PRIM2: variants seen among roughly 807,000 people sequenced by gnomAD.
PRIM2 encodes DNA primase subunit 2.
PRIM2 carries 39 observed loss-of-function variants against 67.3 expected under a neutral mutation model. The ratio of observed to expected loss-of-function variants is 0.58; its 90% CI spans 0.45 to 0.76. PRIM2 has a LOEUF of 0.76. PRIM2 is among the 30% of genes least tolerant of loss of function. The pLI is 0.00. For missense variants in PRIM2, 398 were observed against 598.7 expected (o/e 0.66, Z 3.50); for synonymous variants, 143 against 198.7 (o/e 0.72, Z 2.36).
At chr6:57,602,863 G>T (rs1776494732) in intron 11 of PRIM2, among the ~76,000 whole-genome samples, 1 of 152,138 alleles carries the variant, frequency 6.6e-6, no homozygotes, top group Non-Finnish European at 1.5e-5. Flanking sequence ...ATTTTTTAGA[G>T]TTGTTTTAGG....
intron 7 of PRIM2, among the ~76,000 whole-genome samples, chr6:57,401,924 G>T (rs1770721406): frequency 6.6e-6 from 1 of 152,182 alleles, no homozygotes; most frequent in Non-Finnish European, 1.5e-5. Context: ...TTAGTCTGAG[G>T]GTAGCAAGGG....
chr6:57,367,894 G>A (rs567312617), intron 5 of PRIM2, among the ~76,000 whole-genome samples: 2 of 152,320 alleles, frequency 1.3e-5, no homozygotes, highest in African/African-American at 4.8e-5. Flanking sequence ...GTAGTCACAG[G>A]CCAGGCCAGA....
chr6:57,408,236 T>C (rs1227844303), intron 7 of PRIM2, among the ~76,000 whole-genome samples: 1 of 151,138 alleles, frequency 6.6e-6, no homozygotes, highest in East Asian at 2.0e-4. Context: ...GAGCGGAGAG[T>C]TTAATAGGCA....
chr6:57,244,916 G>A, the PRIM2 span, among the ~76,000 whole-genome samples: 1 of 152,174 alleles, frequency 6.6e-6, no homozygotes, highest in East Asian at 1.9e-4. Context: ...TATGGAACAC[G>A]TTTGCTAAGT....
At position 57,336,972 on chromosome 6, in the gene PRIM2, G is replaced by A. The variant is rs558971485; in HGVS notation, c.459+10927G>A. Among the ~76,000 whole-genome samples, 537 of 152,152 alleles carry A rather than the reference G, an allele frequency of 3.5e-3. 1 individual carries two copies. Among genetic ancestry groups the A allele is most frequent in the Non-Finnish European group, 5.6e-3 (378 of 67,990 alleles). On this transcript the variant is annotated intron_variant, in intron 5 of 13. Transcript: ENST00000615550. ...GCTGTATTCAGGAAACCCATCTCAC[G>A]TGCAGAGACACACATAGCCTCAAAA...
At chr6:57,246,254 A>G in the PRIM2 span, among the ~76,000 whole-genome samples, 3 of 152,338 alleles carry the variant, frequency 2.0e-5, no homozygotes, top group Admixed American at 2.0e-4. Context: ...TTTCAAAGGT[A>G]TCAACTCTCT....
chr6:57,324,418 C>A, intron 4 of PRIM2, 138 bp downstream of exon 4: 1 of 466,950 alleles, frequency 2.1e-6, no homozygotes, highest in Non-Finnish European at 3.8e-6. Flanking sequence ...GGGTTGAACA[C>A]TGACAGTAAA....
intron 7 of PRIM2, among the ~76,000 whole-genome samples, chr6:57,450,587 A>G (rs1210051134): frequency 6.6e-6 from 1 of 152,358 alleles, no homozygotes; most frequent in Admixed American, 6.5e-5. Context: ...TCATATGGCT[A>G]ATTTAACGTG....
intron 10 of PRIM2, among the ~76,000 whole-genome samples, chr6:57,554,525 C>T (rs1775471008): frequency 6.6e-6 from 1 of 151,920 alleles, no homozygotes; most frequent in South Asian, 2.1e-4. Flanking sequence ...AGGCCCAGCC[C>T]TGTGTTAATC....
intron 8 of PRIM2, among the ~76,000 whole-genome samples, chr6:57,519,891 C>G (rs1350274121): frequency 2.0e-5 from 3 of 152,126 alleles, no homozygotes; most frequent in African/African-American, 7.2e-5. Context: ...CTTCACAATC[C>G]ACGTTCTTCT....
chr6:57,382,075 C>G lies in PRIM2; in HGVS notation c.600C>G (p.Val200=), dbSNP rs559171570. ...TGGATTTGTTTCGAGGAAGGAAAGT[C>G]TATTTGGAAGATGGCTTTGCTTACG... ...DALDLFRGRK[V]YLEDGFAYVP... The change falls in exon 7 of 14, where the codon GTC becomes GTG. Residue 200 remains valine, a synonymous_variant. Coordinates refer to ENST00000615550, the MANE Select transcript of PRIM2 (RefSeq NM_000947.5). 4 of 1,612,796 alleles carry G rather than the reference C, an allele frequency of 2.5e-6. No individual in the cohort carries two copies. Among genetic ancestry groups the G allele is most frequent in the Middle Eastern group, 1.7e-4 (1 of 6,058 alleles).
At chr6:57,592,089 G>A (rs1422778808) in intron 10 of PRIM2, among the ~76,000 whole-genome samples, 166 of 152,156 alleles carry the variant, frequency 1.1e-3, no homozygotes, top group Non-Finnish European at 1.8e-3. Context: ...AATACTGCAT[G>A]TTCTCACTTA....
chr6:57,289,033 T>C, the PRIM2 span, among the ~76,000 whole-genome samples: 1 of 152,000 alleles, frequency 6.6e-6, no homozygotes, highest in African/African-American at 2.4e-5. Flanking sequence ...TTCTAACCCA[T>C]CTCAAGGAAG....
At chr6:57,385,334 A>G (rs1311523928) in intron 7 of PRIM2, among the ~76,000 whole-genome samples, 3 of 152,294 alleles carry the variant, frequency 2.0e-5, no homozygotes, top group East Asian at 1.9e-4. Context: ...ATACTTTTTA[A>G]AAAATTAATA....
intron 12 of PRIM2, among the ~76,000 whole-genome samples, chr6:57,615,561 T>C (rs1776741513): frequency 6.6e-6 from 1 of 152,206 alleles, no homozygotes; most frequent in South Asian, 2.1e-4. Context: ...AATTGTACTT[T>C]GTTTCATGGA....
intron 10 of PRIM2, among the ~76,000 whole-genome samples, chr6:57,599,275 GAGCTC>G (rs1776420852): frequency 1.3e-3 from 141 of 111,686 alleles, no homozygotes; most frequent in Non-Finnish European, 1.5e-3. Context: ...AGATCTGCAC[GAGCTC>G]CAGTTAGTGT....
At chr6:57,421,306 A>G (rs1000382347) in intron 7 of PRIM2, among the ~76,000 whole-genome samples, 19 of 152,224 alleles carry the variant, frequency 1.2e-4, no homozygotes, top group African/African-American at 4.1e-4. Flanking sequence ...CCCAAATCAC[A>G]AAATAAAGTT....
At chr6:57,303,626 CT>C in the PRIM2 span, among the ~76,000 whole-genome samples, 1 of 151,894 alleles carries the variant, frequency 6.6e-6, no homozygotes, top group Admixed American at 6.6e-5. Flanking sequence ...TAATTAATTA[CT>C]TTTTTTGAGA....
the PRIM2 span, among the ~76,000 whole-genome samples, chr6:57,258,746 C>T: frequency 6.6e-6 from 1 of 152,110 alleles, no homozygotes; most frequent in Non-Finnish European, 1.5e-5. Context: ...CTGATATTAT[C>T]TTTGGCTCAA....
Sources: allele counts gnomAD v4.1 joint callset (sites outside exome capture counted in the v4.1 genomes callset), GRCh38; gene constraint gnomAD v4.1.1; transcripts MANE v1.5; gene names NCBI Gene and HGNC (gene_info 2026-07-23, HGNC 2026-07-21).